The following DNAH11 variants were observed in gnomAD, a reference collection of about 807,000 sequenced individuals.
DNAH11 encodes axonemal beta dynein heavy chain 11.
DNAH11 carries 442 observed loss-of-function variants against 526.0 expected under a neutral mutation model. The observed-to-expected ratio is 0.84, with a 90% confidence interval of 0.78 to 0.91. The LOEUF (loss-of-function observed/expected upper bound fraction) is 0.91, where lower values mean the gene tolerates loss of function less well. Ranked by LOEUF, DNAH11 falls within the 40% of genes least tolerant of loss-of-function variation. The pLI, the probability that DNAH11 is intolerant of heterozygous loss-of-function variation, is 0.00. For missense variants in DNAH11, 6,989 were observed against 5,448.7 expected (o/e 1.28, Z -8.90); for synonymous variants, 2,461 against 1,935.9 (o/e 1.27, Z -7.12).
chr7:21,744,643 A>C, intron 50 of DNAH11, 44 bp downstream of exon 50: 1 of 1,602,386 alleles, frequency 6.2e-7, no homozygotes, highest in Non-Finnish European at 8.5e-7. Flanking sequence ...TCCAACACCA[A>C]CTGGGTATTG....
intron 31 of DNAH11, among the ~76,000 whole-genome samples, chr7:21,683,316 T>C (rs909847045): frequency 1.3e-5 from 2 of 152,308 alleles, no homozygotes; most frequent in Admixed American, 6.5e-5. Context: ...ATACTGTTAT[T>C]TGATGTGATT....
chr7:21,841,439 A>T (rs904119767), intron 65 of DNAH11, among the ~76,000 whole-genome samples: 6 of 152,190 alleles, frequency 3.9e-5, no homozygotes, highest in African/African-American at 1.4e-4. Context: ...GATGAGGGAA[A>T]AAAACATCAC....
intron 62 of DNAH11, among the ~76,000 whole-genome samples, chr7:21,803,220 G>T (rs937240062): frequency 6.6e-6 from 1 of 152,138 alleles, no homozygotes; most frequent in African/African-American, 2.4e-5. Context: ...TTGGCTGGAG[G>T]TGATAGAAAA....
chr7:21,749,295 A>G (rs1242502593), intron 52 of DNAH11, among the ~76,000 whole-genome samples: 1 of 152,242 alleles, frequency 6.6e-6, no homozygotes, highest in Non-Finnish European at 1.5e-5. Context: ...TTTTAATATT[A>G]CTAATGAAAT....
chr7:21,861,101 G>A (rs1365755072), intron 68 of DNAH11, among the ~76,000 whole-genome samples: 2 of 152,158 alleles, frequency 1.3e-5, no homozygotes, highest in Non-Finnish European at 2.9e-5. Context: ...ACCTATAATA[G>A]CCAAACTCAT....
At chr7:21,817,823 G>A (rs1443374766) in intron 64 of DNAH11, among the ~76,000 whole-genome samples, 3 of 136,906 alleles carry the variant, frequency 2.2e-5, no homozygotes, top group Non-Finnish European at 5.2e-5. Context: ...TAAATGTAAA[G>A]GTTTAAAAAA....
At chr7:21,600,535 A>C (rs1230694833) in intron 15 of DNAH11, 141 bp from the exon 16 acceptor site, 1 of 1,000,726 alleles carries the variant, frequency 1.0e-6, no homozygotes, top group Admixed American at 2.7e-5. Flanking sequence ...CAGGGAAAAG[A>C]GAAGTTGGAA....
At chr7:21,690,949 G>C in intron 35 of DNAH11, 68 bp downstream of exon 35, 1 of 1,174,190 alleles carries the variant, frequency 8.5e-7, no homozygotes, top group Admixed American at 2.4e-5. Flanking sequence ...GGTTTGCACT[G>C]TTAAGTGGTT....
chr7:21,744,583 C>G lies in DNAH11; in HGVS notation c.8300C>G (p.Ala2767Gly). 6.2e-7 allele frequency: 1 copy of G among 1,613,112 alleles called. No individual in the cohort carries two copies. The highest frequency in any genetic ancestry group is 8.5e-7 in the Non-Finnish European group (1 of 1,179,730). ...DLFQRRMLETAYKYFEGIDSH... is the reference protein window; with the variant it reads ...DLFQRRMLETGYKYFEGIDSH... ...TTTCAGAGAAGAATGCTGGAAACTGCTTATAAATATTTTGAAGTAAGCGTA... is the reference window on the plus strand; with the variant it reads ...TTTCAGAGAAGAATGCTGGAAACTGGTTATAAATATTTTGAAGTAAGCGTA... The change falls in exon 50 of 82, where the codon GCT (alanine) becomes GGT (glycine). Residue 2767 changes from alanine to glycine, a missense_variant. Physicochemically the swap from Ala to Gly is moderately conservative, Grantham distance 60. Coordinates refer to ENST00000409508, the MANE Select transcript of DNAH11 (RefSeq NM_001277115.2).
At chr7:21,597,678 C>A (rs1017802066) in intron 14 of DNAH11, among the ~76,000 whole-genome samples, 3 of 152,090 alleles carry the variant, frequency 2.0e-5, no homozygotes, top group Non-Finnish European at 4.4e-5. Flanking sequence ...GGGAGTCTGC[C>A]CCCATGATTC....
intron 5 of DNAH11, among the ~76,000 whole-genome samples, chr7:21,562,433 A>T (rs1783501423): frequency 6.6e-6 from 1 of 152,216 alleles, no homozygotes; most frequent in Admixed American, 6.5e-5. Context: ...ATGCTTCAAT[A>T]AATAGAAGCT....
In DNAH11 at chr7:21,861,969, C is replaced by T; in HGVS notation, c.11319C>T (p.Ser3773=). 2 of 1,613,748 alleles carry T rather than the reference C, an allele frequency of 1.2e-6. No homozygotes were observed. The highest frequency in any genetic ancestry group is 4.5e-5 in the East Asian group (2 of 44,868). Residue 3773 remains serine, a synonymous_variant, in exon 69 of 82, where the codon AGC becomes AGT. Coordinates refer to ENST00000409508, the MANE Select transcript of DNAH11 (RefSeq NM_001277115.2). Reference sequence around the variant, plus strand: ...CCCATGCTGTCTTCCTCTACACCAGCCAGGCGCTGTTTGAGAAGGACAAGC... The same window carrying T: ...CCCATGCTGTCTTCCTCTACACCAGTCAGGCGCTGTTTGAGAAGGACAAGC... ...SITHAVFLYT[S]QALFEKDKLT... is the part of the protein sequence containing the mutation.
chr7:21,543,883 T>C (rs1782700390), intron 1 of DNAH11: 7 of 455,472 alleles, frequency 1.5e-5, no homozygotes. Flanking sequence ...TTTCTTTAGC[T>C]GCTTGGGTGT....
intron 34 of DNAH11, among the ~76,000 whole-genome samples, chr7:21,687,900 T>C (rs1378035681): frequency 6.6e-6 from 1 of 151,966 alleles, no homozygotes; most frequent in Admixed American, 6.6e-5. Context: ...ACAAAATAAA[T>C]AAATTTTAAA....
intron 61 of DNAH11, among the ~76,000 whole-genome samples, chr7:21,792,520 G>A (rs1280732967): frequency 6.6e-6 from 1 of 152,084 alleles, no homozygotes; most frequent in African/African-American, 2.4e-5. Flanking sequence ...AAGCCATTAG[G>A]TCCTAGGGTT....
At chr7:21,725,143 A>T (rs961759508) in intron 44 of DNAH11, among the ~76,000 whole-genome samples, 1 of 152,250 alleles carries the variant, frequency 6.6e-6, no homozygotes, top group African/African-American at 2.4e-5. Flanking sequence ...CCTTGCCAAT[A>T]TAAATCTCTC....
intron 1 of DNAH11, chr7:21,543,806 A>G (rs763297483): frequency 1.1e-4 from 63 of 587,932 alleles, no homozygotes; most frequent in Non-Finnish European, 1.7e-4. Context: ...CTAAGTCAGC[A>G]GTTTGTATCT....
At chr7:21,900,505 G>A (rs1226902744) in intron 81 of DNAH11, among the ~76,000 whole-genome samples, 2 of 108,684 alleles carry the variant, frequency 1.8e-5, no homozygotes, top group Non-Finnish European at 4.6e-5. Context: ...TCCAAGCCTG[G>A]AAGATGCTAC....
At chr7:21,629,060 A>T (rs1443108779) in intron 25 of DNAH11, among the ~76,000 whole-genome samples, 1 of 151,842 alleles carries the variant, frequency 6.6e-6, no homozygotes, top group African/African-American at 2.4e-5. Context: ...CTTTCCTCTT[A>T]TTACTGGCTT....
Sources: allele counts gnomAD v4.1 joint callset (sites outside exome capture counted in the v4.1 genomes callset), GRCh38; gene constraint gnomAD v4.1.1; transcripts MANE v1.5; gene names NCBI Gene and HGNC (gene_info 2026-07-23, HGNC 2026-07-21).